RAB11FIP3: variants seen among roughly 807,000 people sequenced by gnomAD.
The protein encoded by RAB11FIP3 is RAB11 family interacting protein 3.
In RAB11FIP3, 17 loss-of-function variants were observed where a neutral mutation model predicts 77.8. The ratio of observed to expected loss-of-function variants is 0.22; its 90% CI spans 0.15 to 0.33. The LOEUF (loss-of-function observed/expected upper bound fraction) is 0.33, where lower values mean the gene tolerates loss of function less well. RAB11FIP3 is among the 10% of genes least tolerant of loss of function. The probability of loss-of-function intolerance (pLI) is 1.00; values close to 1 mark genes in which losing one functional copy is unlikely to be tolerated. For synonymous variants in RAB11FIP3, 437 were observed against 448.2 expected (o/e 0.98, Z 0.31); for missense variants, 1,005 against 1,011.2 (o/e 0.99, Z 0.08).
At position 456,535 on chromosome 16, in the gene RAB11FIP3, C is replaced by T. The variant is rs191595081; in HGVS notation, c.715-4869C>T. Among the ~76,000 whole-genome samples, 29 of 152,126 alleles carry T rather than the reference C, an allele frequency of 1.9e-4. No homozygotes were observed. The East Asian group carries it at 3.5e-3, about 18-fold the overall frequency. On this transcript the variant is annotated intron_variant, in intron 1 of 13. Coordinates refer to ENST00000262305, the MANE Select transcript of RAB11FIP3 (RefSeq NM_014700.4). ...ATTTGGGAGGCCGAGGTGGGCAGAT[C>T]ACTTGGGGTCAGGAGTTCAAGACCA...
intron 2 of RAB11FIP3, among the ~76,000 whole-genome samples, chr16:467,520 G>A (rs113725410): frequency 4.5e-3 from 378 of 84,938 alleles, no homozygotes; most frequent in African/African-American, 0.014. Flanking sequence ...GAGGAGGTGC[G>A]GGGGCGTCAG....
chr16:447,841 A>G (rs1223835662), intron 1 of RAB11FIP3, among the ~76,000 whole-genome samples: 1 of 152,248 alleles, frequency 6.6e-6, no homozygotes. Flanking sequence ...TGTGAACAAC[A>G]TGAGCACATC....
chr16:491,464 A>C (rs1446049257), intron 5 of RAB11FIP3, among the ~76,000 whole-genome samples: 1 of 150,224 alleles, frequency 6.7e-6, no homozygotes, highest in Non-Finnish European at 1.5e-5. Context: ...TGCGCAGCCC[A>C]GGCCAGTGCT....
At chr16:489,243 T>C (rs2029956060) in intron 5 of RAB11FIP3, 1 of 557,250 alleles carries the variant, frequency 1.8e-6, no homozygotes, top group Middle Eastern at 4.8e-4. Context: ...CAAAATCCTG[T>C]GGCACAGAGC....
At chr16:470,714 C>T (rs541359130) in intron 2 of RAB11FIP3, among the ~76,000 whole-genome samples, 22 of 152,068 alleles carry the variant, frequency 1.4e-4, no homozygotes, top group Non-Finnish European at 2.4e-4. Context: ...CTGTAGCTGA[C>T]GTAAGAATTA....
chr16:477,391 G>C (rs1382515522), intron 3 of RAB11FIP3, among the ~76,000 whole-genome samples: 13 of 152,252 alleles, frequency 8.5e-5, no homozygotes, highest in Admixed American at 8.5e-4. Flanking sequence ...CTCTGGGGCA[G>C]TGTGGCCCCT....
chr16:435,546 A>G (rs557553774), intron 1 of RAB11FIP3, among the ~76,000 whole-genome samples: 1 of 152,336 alleles, frequency 6.6e-6, no homozygotes, highest in South Asian at 2.1e-4. Context: ...GGTAGAATTG[A>G]AAGAAGTTTT....
At chr16:462,436 T>C (rs2055623355) in intron 2 of RAB11FIP3, among the ~76,000 whole-genome samples, 2 of 152,138 alleles carry the variant, frequency 1.3e-5, no homozygotes, top group African/African-American at 2.4e-5. Context: ...GGTTTCACCA[T>C]GTTGGCGGGG....
Position 505,552 on chromosome 16 carries a change from A to C in RAB11FIP3, c.1424A>C (p.Glu475Ala), listed in dbSNP as rs2031827299. 3 of 1,608,656 alleles carry C rather than the reference A, an allele frequency of 1.9e-6. No individual in the cohort carries two copies. The East Asian group carries it at 6.7e-5, about 36-fold the overall frequency. ...KVVFLERRVL[E>A]LEKDTAATGE... The stretch of plus-strand genomic sequence containing the variant: ...GTCTTCCTGGAAAGGCGTGTGCTGG[A>C]GCTGGAAAAGGACACGGCAGCCACC... The change falls in exon 8 of 14, where the codon GAG becomes GCG. Residue 475 changes from glutamate (E) to alanine (A), a missense_variant. Transcript: ENST00000262305. The surrounding 1 kb of genome is among the most constrained non-coding windows in gnomAD (Gnocchi z 4.0).
chr16:517,361 A>G (rs2032462648), intron 9 of RAB11FIP3, among the ~76,000 whole-genome samples: 1 of 152,054 alleles, frequency 6.6e-6, no homozygotes. Context: ...TTAAGCTCAG[A>G]GTTGGAGACC....
intron 1 of RAB11FIP3, among the ~76,000 whole-genome samples, chr16:446,040 CT>C (rs2141871670): frequency 6.6e-6 from 1 of 152,206 alleles, no homozygotes; most frequent in East Asian, 1.9e-4. Flanking sequence ...TTGGGTCCTA[CT>C]TGCTCTTGGG....
At chr16:484,638 C>A (rs1367697238) in intron 4 of RAB11FIP3, among the ~76,000 whole-genome samples, 1 of 152,216 alleles carries the variant, frequency 6.6e-6, no homozygotes, top group East Asian at 1.9e-4. Flanking sequence ...GAGGTGTGAG[C>A]CACCGCGTCT....
At position 519,907 on chromosome 16, in the gene RAB11FIP3, GC is replaced by G. The variant is rs1452083207; in HGVS notation, c.1860+20del. On this transcript the variant is annotated intron_variant, in intron 11 of 13. Transcript: ENST00000262305. ...CACCCAGGAGGTGAGCACCCACCCTGCCCCACGCCCAGTCCTGCGCCCAGCC... is the reference window on the plus strand; with the variant it reads ...CACCCAGGAGGTGAGCACCCACCCTGCCCACGCCCAGTCCTGCGCCCAGCC... 1.2e-5 allele frequency: 19 copies of G among 1,567,296 alleles called. No homozygotes were observed. Among genetic ancestry groups the G allele is most frequent in the Non-Finnish European group, 3.5e-6 (4 of 1,156,572 alleles).
rs751892363 is a variant in RAB11FIP3 at position 426,546 on chromosome 16, C to T, written c.540C>T (p.Ser180=). 2.5e-6 allele frequency: 4 copies of T among 1,576,570 alleles called. No individual in the cohort carries two copies. In the South Asian group the frequency reaches 3.5e-5, roughly 14 times the overall value. The change falls in exon 1 of 14, where the codon TCC becomes TCT. Residue 180 remains serine, a synonymous_variant. Transcript: ENST00000262305. The surrounding 1 kb of genome is among the most constrained non-coding windows in gnomAD (Gnocchi z 5.0). ...TGGCGCTGGAGCAAGGTCCCGGGTC[C>T]CCGCCGCAGCCCTCGGACCTCAGCC... is the stretch of plus-strand genomic sequence containing the variant. ...GELALEQGPG[S]PPQPSDLSQT... is the part of the protein sequence containing the mutation.
chr16:474,414 C>T (rs984773856), intron 3 of RAB11FIP3, among the ~76,000 whole-genome samples: 23 of 152,196 alleles, frequency 1.5e-4, no homozygotes, highest in African/African-American at 4.1e-4. Context: ...CAGCTTATAA[C>T]GGGAAAGTTG....
chr16:477,842 G>A (rs1175961188), intron 3 of RAB11FIP3, among the ~76,000 whole-genome samples: 4 of 152,232 alleles, frequency 2.6e-5, no homozygotes, highest in African/African-American at 9.6e-5. Context: ...TTTAGAAGCA[G>A]CTGGCAGGGA....
chr16:442,302 G>A (rs2055240989), intron 1 of RAB11FIP3, among the ~76,000 whole-genome samples: 1 of 152,238 alleles, frequency 6.6e-6, no homozygotes, highest in South Asian at 2.1e-4. Flanking sequence ...ACTGCACCCA[G>A]CTTATGATGC....
At position 443,772 on chromosome 16, in the gene RAB11FIP3, G is replaced by T. The variant is rs553007883; in HGVS notation, c.714+17052G>T. On this transcript the variant is annotated intron_variant, in intron 1 of 13. Coordinates refer to ENST00000262305, the MANE Select transcript of RAB11FIP3 (RefSeq NM_014700.4). ...GTAGAGACGGGGTTTCACCATGTTA[G>T]CCAGGATGATCTAGATCTCCTGACC... is the stretch of plus-strand genomic sequence containing the variant. 8.0e-4 allele frequency among the ~76,000 whole-genome samples: 122 copies of T among 152,316 alleles called. 2 individuals carry two copies. The highest frequency in any genetic ancestry group is 6.4e-3 in the South Asian group (31 of 4,828).
At position 520,815 on chromosome 16, in the gene RAB11FIP3, C is replaced by T; in HGVS notation, c.2247C>T (p.Asn749=). The T allele has an allele frequency of 6.2e-7, 1 of 1,613,710 alleles. No homozygotes were observed. The highest frequency in any genetic ancestry group is 8.5e-7 in the Non-Finnish European group (1 of 1,179,980). The change falls in exon 14 of 14, where the codon AAC becomes AAT. Residue 749 remains asparagine (N), a synonymous_variant. Transcript: ENST00000262305. ...TCATCGTGGCCATCATGGAGACCAA[C>T]CCGTCCATCCTGGAGGTCAAGTAGA... ...DRIIVAIMET[N]PSILEVK is the part of the protein sequence containing the mutation.
Sources: allele counts gnomAD v4.1 joint callset (sites outside exome capture counted in the v4.1 genomes callset), GRCh38; gene constraint gnomAD v4.1.1; non-coding constraint Gnocchi (gnomAD v3.1); transcripts MANE v1.5; gene names NCBI Gene and HGNC (gene_info 2026-07-23, HGNC 2026-07-21).